INVS: variants seen among roughly 807,000 people sequenced by gnomAD.
INVS encodes inversion of embryo turning homolog.
A neutral mutation model predicts 108.8 loss-of-function variants in INVS; 86 were observed. The ratio of observed to expected loss-of-function variants is 0.79; its 90% CI spans 0.66 to 0.95. INVS has a LOEUF of 0.95. Among genes scored for constraint, INVS ranks in the 40% least tolerant of loss-of-function variants. INVS has a pLI of 0.00. For synonymous variants in INVS, 455 were observed against 473.5 expected (o/e 0.96, Z 0.51); for missense variants, 1,169 against 1,297.4 (o/e 0.90, Z 1.52).
chr9:100,132,725 C>A (rs947183603), intron 3 of INVS, among the ~76,000 whole-genome samples: 1 of 152,128 alleles, frequency 6.6e-6, no homozygotes. Context: ...TACATCTCTT[C>A]TCTTTAAAAA....
rs1345469082 is a variant in INVS, at chr9:100,292,436, G to T, written c.2179G>T (p.Gly727Cys). 6.2e-7 allele frequency: 1 copy of T among 1,614,180 alleles called. No homozygotes were observed. The highest frequency in any genetic ancestry group is 1.1e-5 in the South Asian group (1 of 91,084). ...PGVPSVEKSR[G>C]ETAGDERCAK... is the part of the protein sequence containing the mutation. ...AGTTCCCTCTGTTGAGAAGTCCAGA[G>T]GTGAGACAGCTGGCGATGAGCGGTG... Residue 727 changes from glycine (G) to cysteine (C), a missense_variant, in exon 14 of 17, where the codon GGT becomes TGT. Transcript: ENST00000262457.
At chr9:100,112,683 CA>C (rs548691703) in intron 2 of INVS, among the ~76,000 whole-genome samples, 109 of 143,610 alleles carry the variant, frequency 7.6e-4, no homozygotes, top group South Asian at 2.0e-3. Context: ...AAAAAAATCG[CA>C]AAAAAAAAAA....
chr9:100,253,608 C>A (rs2118567107), intron 10 of INVS, among the ~76,000 whole-genome samples: 1 of 152,160 alleles, frequency 6.6e-6, no homozygotes, highest in South Asian at 2.1e-4. Context: ...TGTTCCCCAC[C>A]CTATGTCCAA....
At chr9:100,298,309 A>G in intron 16 of INVS, 2 of 1,268,596 alleles carry the variant, frequency 1.6e-6, no homozygotes, top group Non-Finnish European at 2.0e-6. Context: ...GTCACTCTTC[A>G]AAGGAATACC....
intron 13 of INVS, among the ~76,000 whole-genome samples, chr9:100,289,221 G>A (rs1375901917): frequency 1.3e-5 from 2 of 152,140 alleles, no homozygotes; most frequent in Non-Finnish European, 2.9e-5. Flanking sequence ...TACTGCAAGT[G>A]ACAATTTTGC....
intron 3 of INVS, among the ~76,000 whole-genome samples, chr9:100,167,836 C>T (rs1020382043): frequency 5.3e-5 from 8 of 151,982 alleles, no homozygotes; most frequent in Admixed American, 1.3e-4. Flanking sequence ...AGGTGATCCA[C>T]GATTTCTTAC....
chr9:100,214,357 C>G (rs1370295225), intron 3 of INVS, among the ~76,000 whole-genome samples: 1 of 152,124 alleles, frequency 6.6e-6, no homozygotes, highest in Non-Finnish European at 1.5e-5. Context: ...AAAAGCAACC[C>G]CCAAGCTCAA....
chr9:100,235,646 A>G (rs2118467646), intron 5 of INVS, among the ~76,000 whole-genome samples: 1 of 152,312 alleles, frequency 6.6e-6, no homozygotes, highest in East Asian at 1.9e-4. Flanking sequence ...GCTGGATATG[A>G]AATTCTGAGT....
In INVS at chr9:100,256,171, A is replaced by C. The variant is rs141757308; in HGVS notation, c.1464+3035A>C. Among the ~76,000 whole-genome samples, 1,222 of 152,208 alleles carry C rather than the reference A, an allele frequency of 8.0e-3. 7 individuals are homozygous for C. The highest frequency in any genetic ancestry group is 0.028 in the African/African-American group (1,165 of 41,536). On this transcript the variant is annotated intron_variant, in intron 10 of 16. Transcript: ENST00000262457. ...GGTATGTGTGTCCAGGAATTTATCC[A>C]TTTCTTCTAGATTTTCTAGTTTATT... is the stretch of plus-strand genomic sequence containing the variant.
chr9:100,292,972 A>G lies in INVS; in HGVS notation c.2715A>G (p.Arg905=). Residue 905 remains arginine (R), a synonymous_variant, in exon 14 of 17, where the codon AGA becomes AGG. Transcript: ENST00000262457. The part of the protein sequence containing the change: ...PVELRLQIIQ[R]ERRRKELFRK... ...AGCTCCGACTGCAGATAATTCAGAG[A>G]GAACGAAGGAGGAAGGAGCTGTTTC... 2.5e-6 allele frequency: 4 copies of G among 1,613,408 alleles called. No homozygotes were observed. Among genetic ancestry groups the G allele is most frequent in the Non-Finnish European group, 3.4e-6 (4 of 1,179,348 alleles).
chr9:100,194,823 CA>C (rs1830324770), intron 3 of INVS, among the ~76,000 whole-genome samples: 1 of 152,146 alleles, frequency 6.6e-6, no homozygotes. Context: ...AGCTGAGATT[CA>C]GGCCTGGTAG....
chr9:100,120,866 T>A (rs1827707680), intron 2 of INVS: 1 of 152,196 alleles, frequency 6.6e-6, no homozygotes, highest in South Asian at 2.1e-4. Flanking sequence ...GTGAAGACTT[T>A]GGGATCAAGG....
chr9:100,253,571 C>A (rs760798867), intron 10 of INVS, among the ~76,000 whole-genome samples: 2 of 152,106 alleles, frequency 1.3e-5, no homozygotes, highest in Non-Finnish European at 2.9e-5. Context: ...CTGCTTCCCC[C>A]ATCCCACACC....
intron 3 of INVS, among the ~76,000 whole-genome samples, chr9:100,179,733 A>G (rs1829823673): frequency 1.3e-5 from 2 of 152,182 alleles, no homozygotes; most frequent in Admixed American, 1.3e-4. Flanking sequence ...AGAAAGATCA[A>G]TGCAACAGAA....
intron 3 of INVS, among the ~76,000 whole-genome samples, chr9:100,197,093 G>A (rs2118200898): frequency 6.6e-6 from 1 of 152,278 alleles, no homozygotes; most frequent in African/African-American, 2.4e-5. Flanking sequence ...ACTGCCTCAT[G>A]CTTCAGACAC....
chr9:100,240,354 C>T, intron 6 of INVS, 114 bp downstream of exon 6: 3 of 752,636 alleles, frequency 4.0e-6, no homozygotes, highest in Admixed American at 2.0e-5. Flanking sequence ...TGATTTCTAA[C>T]TGATATGTTG....
intron 2 of INVS, among the ~76,000 whole-genome samples, chr9:100,109,498 A>G (rs532018070): frequency 6.6e-6 from 1 of 152,358 alleles, no homozygotes; most frequent in East Asian, 1.9e-4. Context: ...ATTTGTAAAT[A>G]TGCATGGTGT....
chr9:100,280,523 G>A (rs946119689), intron 12 of INVS, among the ~76,000 whole-genome samples: 2 of 152,010 alleles, frequency 1.3e-5, no homozygotes, highest in Non-Finnish European at 2.9e-5. Flanking sequence ...TGAAAGGTGG[G>A]ACTAGTTTAT....
At position 100,240,191 on chromosome 9, in the gene INVS, G is replaced by A. The variant is rs570134046; in HGVS notation, c.747G>A (p.Thr249=). Residue 249 remains threonine, a synonymous_variant, in exon 6 of 17, where the codon ACG becomes ACA. Coordinates refer to ENST00000262457, the MANE Select transcript of INVS (RefSeq NM_014425.5). ...VLTSYESCNI[T]SYDNLFRTPL... ...CCTCATATGAAAGCTGCAATATAAC[G>A]TCTTATGATAACTTATTTCGAACCC... 14 of 1,613,878 alleles carry A rather than the reference G, an allele frequency of 8.7e-6. No individual in the cohort carries two copies. The highest frequency in any genetic ancestry group is 8.0e-5 in the African/African-American group (6 of 74,962).
Sources: allele counts gnomAD v4.1 joint callset (sites outside exome capture counted in the v4.1 genomes callset), GRCh38; gene constraint gnomAD v4.1.1; transcripts MANE v1.5; gene names NCBI Gene and HGNC (gene_info 2026-07-23, HGNC 2026-07-21).